The following HS1BP3 variants were observed in gnomAD, a reference collection of about 807,000 sequenced individuals.
The protein encoded by HS1BP3 is HCLS1-binding protein 3.
A neutral mutation model predicts 33.5 loss-of-function variants in HS1BP3; 32 were observed. That is an observed-to-expected ratio of 0.95 (90% CI 0.72 to 1.28). The LOEUF (loss-of-function observed/expected upper bound fraction) is 1.28, where lower values mean the gene tolerates loss of function less well. Ranked by LOEUF, HS1BP3 falls within the 50% of genes most tolerant of loss-of-function variation. The probability of loss-of-function intolerance (pLI) is 0.00; values close to 1 mark genes in which losing one functional copy is unlikely to be tolerated. For synonymous variants in HS1BP3, 187 were observed against 209.2 expected (o/e 0.89, Z 0.92); for missense variants, 486 against 502.3 (o/e 0.97, Z 0.31).
At chr2:20,631,408 G>A (rs148899351) in intron 4 of HS1BP3, among the ~76,000 whole-genome samples, 324 of 150,336 alleles carry the variant, frequency 2.2e-3, no homozygotes, top group African/African-American at 7.4e-3. Context: ...CCAGCTATTT[G>A]AGAGGCTGAG....
At chr2:20,622,803 C>T (rs192912266) in intron 6 of HS1BP3, 1 of 168,674 alleles carries the variant, frequency 5.9e-6, no homozygotes, top group East Asian at 1.5e-4. Context: ...TTCTTCCAGC[C>T]CGCTGGGATG....
chr2:20,587,443 C>T (rs1471882006), intron 5 of HS1BP3, among the ~76,000 whole-genome samples: 3 of 152,168 alleles, frequency 2.0e-5, no homozygotes, highest in Admixed American at 6.5e-5. Flanking sequence ...GTAGGGATGC[C>T]ACAAGCCCAT....
chr2:20,640,472 A>G (rs1000866965), intron 3 of HS1BP3: 4 of 296,168 alleles, frequency 1.4e-5, no homozygotes, highest in Non-Finnish European at 2.5e-5. Context: ...TGCTGGATCA[A>G]TTCCTCAGCC....
chr2:20,615,700 C>G (rs1211233734), downstream of HS1BP3, among the ~76,000 whole-genome samples: 5 of 152,230 alleles, frequency 3.3e-5, no homozygotes, highest in African/African-American at 1.2e-4. Flanking sequence ...TCCACATCAG[C>G]CTGACACCGG....
chr2:20,583,476 C>G (rs969551079), intron 5 of HS1BP3, among the ~76,000 whole-genome samples: 1 of 152,294 alleles, frequency 6.6e-6, no homozygotes, highest in East Asian at 1.9e-4. Context: ...GGACCTGTCA[C>G]CCCTGGAGGG....
At chr2:20,613,502 G>T (rs918679186), downstream of HS1BP3, among the ~76,000 whole-genome samples, 2 of 152,230 alleles carry the variant, frequency 1.3e-5, no homozygotes, top group African/African-American at 2.4e-5. Flanking sequence ...GCTGGAGGAA[G>T]GAAGGAAGGA....
chr2:20,616,581 T>C (rs980790625), downstream of HS1BP3, among the ~76,000 whole-genome samples: 27 of 152,202 alleles, frequency 1.8e-4, no homozygotes, highest in Non-Finnish European at 3.7e-4. Flanking sequence ...ACATGGGTCT[T>C]GGCTGTGCAG....
In HS1BP3 at chr2:20,618,600, TG is replaced by T; in HGVS notation, c.*386del. On this transcript the variant is annotated 3_prime_UTR_variant, in exon 7 of 7. Coordinates refer to ENST00000304031, the MANE Select transcript of HS1BP3 (RefSeq NM_022460.4). Reference sequence around the variant, plus strand: ...GCCCAGCCCCAGTTTGGGTCTGTGCTGGGGCTGGCAGAACCCGTGGGCATGA... The same window carrying T: ...GCCCAGCCCCAGTTTGGGTCTGTGCTGGGCTGGCAGAACCCGTGGGCATGA... 2 of 674,570 alleles carry T rather than the reference TG, an allele frequency of 3.0e-6. No homozygotes were observed. The highest frequency in any genetic ancestry group is 3.8e-6 in the Non-Finnish European group (2 of 526,116). 41.8% of individuals were successfully genotyped at this position (674,570 alleles called of 1,614,324 possible).
At chr2:20,571,344 A>C (rs1467203355) in intron 5 of HS1BP3, among the ~76,000 whole-genome samples, 1 of 152,006 alleles carries the variant, frequency 6.6e-6, no homozygotes, top group East Asian at 1.9e-4. Flanking sequence ...CCCCTCCCTC[A>C]CAGCACAGCC....
intron 3 of HS1BP3, among the ~76,000 whole-genome samples, chr2:20,595,887 A>C (rs187195550): frequency 3.3e-4 from 51 of 152,318 alleles, no homozygotes; most frequent in Admixed American, 2.7e-3. Flanking sequence ...TCATACCAGG[A>C]GACAGAGCCT....
intron 4 of HS1BP3, among the ~76,000 whole-genome samples, chr2:20,628,755 T>C (rs1405070251): frequency 6.6e-6 from 1 of 152,076 alleles, no homozygotes; most frequent in East Asian, 1.9e-4. Context: ...GAGGAGGTGA[T>C]GTGGAGACAG....
At chr2:20,635,276 C>A (rs1695089722) in intron 4 of HS1BP3, 1 of 152,176 alleles carries the variant, frequency 6.6e-6, no homozygotes, top group Non-Finnish European at 1.5e-5. Context: ...CCGCCACGCC[C>A]ACAAGCAAGG....
At chr2:20,638,273 G>T in intron 4 of HS1BP3, 163 bp downstream of exon 4, 1 of 650,542 alleles carries the variant, frequency 1.5e-6, no homozygotes. Context: ...CACGCAGAGA[G>T]CTACTTCCCC....
intron 4 of HS1BP3, chr2:20,635,865 C>T (rs1695110133): frequency 6.6e-6 from 1 of 152,098 alleles, no homozygotes; most frequent in Admixed American, 6.6e-5. Context: ...CTCTCTTGTC[C>T]CTAATCAAAA....
intron 5 of HS1BP3, among the ~76,000 whole-genome samples, chr2:20,572,116 A>C (rs377647249): frequency 3.3e-4 from 50 of 152,318 alleles, no homozygotes; most frequent in African/African-American, 1.2e-3. Flanking sequence ...ATGGCTCAAG[A>C]GCTGGCTCGG....
chr2:20,577,464 C>T (rs1268215630), intron 5 of HS1BP3, among the ~76,000 whole-genome samples: 1 of 152,142 alleles, frequency 6.6e-6, no homozygotes, highest in Admixed American at 6.5e-5. Flanking sequence ...GCAGCGATCT[C>T]CCAGAGAGAA....
chr2:20,622,459 G>T (rs879806669), intron 6 of HS1BP3: 25 of 459,872 alleles, frequency 5.4e-5, no homozygotes, highest in Non-Finnish European at 9.2e-5. Context: ...ACCACAGAGT[G>T]GGGGGCCCAG....
chr2:20,569,923 C>G (rs1693224977), intron 5 of HS1BP3, among the ~76,000 whole-genome samples: 2 of 152,258 alleles, frequency 1.3e-5, no homozygotes, highest in South Asian at 4.1e-4. Context: ...GTCTCCCTCC[C>G]TGGGATCAGG....
At chr2:20,575,771 C>G (rs989156933) in intron 5 of HS1BP3, among the ~76,000 whole-genome samples, 13 of 128,788 alleles carry the variant, frequency 1.0e-4, no homozygotes, top group African/African-American at 3.5e-4. Flanking sequence ...CCCCCCCCCC[C>G]CCCTTCAGGC....
Sources: gnomAD v4.1 joint callset for allele counts (sites outside exome capture counted in the v4.1 genomes callset) on GRCh38, gnomAD v4.1.1 for gene constraint, MANE v1.5 for transcripts, NCBI Gene and HGNC (gene_info 2026-07-23, HGNC 2026-07-21) for gene names.